The following SLCO3A1 variants were observed in gnomAD, a reference collection of about 807,000 sequenced individuals.
The protein encoded by SLCO3A1 is solute carrier organic anion transporter family member 3A1.
A neutral mutation model predicts 63.1 loss-of-function variants in SLCO3A1; 27 were observed. The ratio of observed to expected loss-of-function variants is 0.43; its 90% CI spans 0.32 to 0.59. SLCO3A1 has a LOEUF of 0.59. Among genes scored for constraint, SLCO3A1 ranks in the 20% least tolerant of loss-of-function variants. The pLI is 0.09. For synonymous variants in SLCO3A1, 473 were observed against 409.9 expected (o/e 1.15, Z -1.86); for missense variants, 773 against 945.8 (o/e 0.82, Z 2.40).
At chr15:91,996,470 C>T (rs924061717) in intron 2 of SLCO3A1, among the ~76,000 whole-genome samples, 7 of 151,922 alleles carry the variant, frequency 4.6e-5, no homozygotes, top group Admixed American at 4.6e-4. Flanking sequence ...TAGGGATTTT[C>T]ATGGGGGTTG....
In SLCO3A1 at chr15:91,942,677, G is replaced by A. The variant is rs1160589008; in HGVS notation, c.646+26219G>A. Among the ~76,000 whole-genome samples the A allele has an allele frequency of 6.6e-6, 1 of 152,158 alleles. No homozygotes were observed. The highest frequency in any genetic ancestry group is 1.9e-4 in the East Asian group (1 of 5,190). On this transcript the variant is annotated intron_variant, in intron 2 of 9. Transcript: ENST00000318445. This position sits in a 1 kb window ranked among gnomAD's most constrained non-coding sequence, Gnocchi z 4.1. ...CAGCTCACTGCAACCTCCACCTCCT[G>A]GGTGAAGGTAATTCCCAAGAAGCTG...
intron 2 of SLCO3A1, among the ~76,000 whole-genome samples, chr15:91,926,448 A>G (rs1899013006): frequency 6.6e-6 from 1 of 152,030 alleles, no homozygotes; most frequent in Non-Finnish European, 1.5e-5. Flanking sequence ...TGCAATTGCC[A>G]AAGGTACCTT....
At chr15:92,055,397 G>T (rs1046016247) in intron 2 of SLCO3A1, among the ~76,000 whole-genome samples, 1 of 152,138 alleles carries the variant, frequency 6.6e-6, no homozygotes, top group Non-Finnish European at 1.5e-5. Context: ...TCAGTGTGTT[G>T]TCTGTTAATT....
chr15:91,974,688 C>T (rs1042136101), intron 2 of SLCO3A1, among the ~76,000 whole-genome samples: 62 of 152,074 alleles, frequency 4.1e-4, no homozygotes, highest in Non-Finnish European at 1.5e-4. Flanking sequence ...CTGCAAGTGT[C>T]CACTGTGGCT....
At chr15:91,982,913 T>C (rs2046005625) in intron 2 of SLCO3A1, among the ~76,000 whole-genome samples, 1 of 152,234 alleles carries the variant, frequency 6.6e-6, no homozygotes, top group Non-Finnish European at 1.5e-5. Flanking sequence ...TCTCCAGGGA[T>C]GCCTTCCCTG....
At chr15:92,169,228 T>C (rs540956507), downstream of SLCO3A1, among the ~76,000 whole-genome samples, 19 of 152,324 alleles carry the variant, frequency 1.2e-4, no homozygotes, top group South Asian at 3.9e-3. Context: ...AGGTCCAGAA[T>C]TGGCTCAAAT....
At chr15:92,084,567 C>G (rs2047383370) in intron 2 of SLCO3A1, among the ~76,000 whole-genome samples, 1 of 152,176 alleles carries the variant, frequency 6.6e-6, no homozygotes, top group Non-Finnish European at 1.5e-5. Context: ...CCTTGAGGGT[C>G]AGAAACACGA....
intron 2 of SLCO3A1, among the ~76,000 whole-genome samples, chr15:92,016,242 TAGATAGATAGATTAGA>T (rs1410150093): frequency 1.4e-3 from 78 of 53,848 alleles, no homozygotes; most frequent in Admixed American, 6.9e-3. Context: ...GATAGATAGA[TAGATAGATAGATTAGA>T]TAGATAGATA....
At chr15:91,971,246 T>C (rs1176551731) in intron 2 of SLCO3A1, among the ~76,000 whole-genome samples, 1 of 151,500 alleles carries the variant, frequency 6.6e-6, no homozygotes, top group African/African-American at 2.4e-5. Context: ...ATACAAAAAA[T>C]TAGCCGAGCA....
rs555644445 is a variant in SLCO3A1, at chr15:91,954,547, G to T, written c.646+38089G>T. 1.3e-5 allele frequency among the ~76,000 whole-genome samples: 2 copies of T among 152,166 alleles called. No homozygotes were observed. The highest frequency in any genetic ancestry group is 2.9e-5 in the Non-Finnish European group (2 of 68,030). On this transcript the variant is annotated intron_variant, in intron 2 of 9. Coordinates refer to ENST00000318445, the MANE Select transcript of SLCO3A1 (RefSeq NM_013272.4). The surrounding 1 kb of genome is among the most constrained non-coding windows in gnomAD (Gnocchi z 4.7). ...AACAGCCTACCTGGTCAGGTGCCCC[G>T]CAGGCTTTCCTGAGAAGTGAATCCA...
chr15:91,958,947 A>T (rs1239562543), intron 2 of SLCO3A1, among the ~76,000 whole-genome samples: 1 of 152,224 alleles, frequency 6.6e-6, no homozygotes, highest in African/African-American at 2.4e-5. Context: ...AGAAGTCATT[A>T]TATGAAAAAG....
chr15:92,074,814 GT>G (rs1567105451), intron 2 of SLCO3A1, among the ~76,000 whole-genome samples: 1 of 152,134 alleles, frequency 6.6e-6, no homozygotes, highest in African/African-American at 2.4e-5. Flanking sequence ...TGGCTTTCTG[GT>G]AGGCAGCCCC....
chr15:91,953,348 G>A (rs1260845475), intron 2 of SLCO3A1, among the ~76,000 whole-genome samples: 1 of 152,178 alleles, frequency 6.6e-6, no homozygotes, highest in South Asian at 2.1e-4. Context: ...CTCTGCCCTC[G>A]AGGAGCTTGT....
chr15:92,113,143 G>T (rs774327939), intron 4 of SLCO3A1, among the ~76,000 whole-genome samples: 2 of 152,166 alleles, frequency 1.3e-5, no homozygotes, highest in Non-Finnish European at 2.9e-5. Flanking sequence ...TGCCTCCCAG[G>T]CTCCTTTCTT....
At position 91,900,374 on chromosome 15, in the gene SLCO3A1, G is replaced by A. The variant is rs1898121610; in HGVS notation, c.181-15619G>A. Among the ~76,000 whole-genome samples, 1 of 152,206 alleles carries A rather than the reference G, an allele frequency of 6.6e-6. No individual in the cohort carries two copies. On this transcript the variant is annotated intron_variant, in intron 1 of 9. Transcript: ENST00000318445. The surrounding 1 kb of genome is among the most constrained non-coding windows in gnomAD (Gnocchi z 4.3). ...AGATGGAGTCTTGCTCTGTCACACA[G>A]GCTGGAGTGCAGTGGTGTGATCTCA...
chr15:91,932,356 G>A (rs541822803), intron 2 of SLCO3A1, among the ~76,000 whole-genome samples: 1 of 152,238 alleles, frequency 6.6e-6, no homozygotes, highest in African/African-American at 2.4e-5. Flanking sequence ...GTAATTATCA[G>A]CATGTTGCCT....
In SLCO3A1 at chr15:91,916,548, T is replaced by A. The variant is rs80217973; in HGVS notation, c.646+90T>A. 6.6e-4 allele frequency: 653 copies of A among 988,322 alleles called. 10 individuals are homozygous for A. In the African/African-American group the frequency reaches 9.9e-3, roughly 15 times the overall value. 61.2% of individuals were successfully genotyped at this position (988,322 alleles called of 1,614,324 possible). A position where few individuals can be genotyped will look rare whatever the true frequency, so the allele number is the denominator to read the frequency against. On this transcript the variant is annotated intron_variant, in intron 2 of 9. Transcript: ENST00000318445. This position sits in a 1 kb window ranked among gnomAD's most constrained non-coding sequence, Gnocchi z 6.2. ...CTGGTGGACTTTGATTTTGCCAGAG[T>A]ACTGGTTCTCAGACTTGGCTGCACA...
intron 2 of SLCO3A1, among the ~76,000 whole-genome samples, chr15:92,037,099 G>T (rs928099504): frequency 2.6e-5 from 4 of 152,174 alleles, no homozygotes; most frequent in African/African-American, 9.7e-5. Context: ...GCATCATGCC[G>T]TGGGATGGTC....
At position 91,906,173 on chromosome 15, in the gene SLCO3A1, C is replaced by T. The variant is rs117349557; in HGVS notation, c.181-9820C>T. On this transcript the variant is annotated intron_variant, in intron 1 of 9. Coordinates refer to ENST00000318445, the MANE Select transcript of SLCO3A1 (RefSeq NM_013272.4). ...GTAAAGCGCTCCATACTGGACTTGG[C>T]ATAAGTAATAACAAATGTTCAACAT... Among the ~76,000 whole-genome samples, 310 of 152,304 alleles carry T rather than the reference C, an allele frequency of 2.0e-3. 4 individuals are homozygous for T. The East Asian group carries it at 0.056, about 27-fold the overall frequency.
Sources: allele counts gnomAD v4.1 joint callset (sites outside exome capture counted in the v4.1 genomes callset), GRCh38; gene constraint gnomAD v4.1.1; non-coding constraint Gnocchi (gnomAD v3.1); transcripts MANE v1.5; gene names NCBI Gene and HGNC (gene_info 2026-07-23, HGNC 2026-07-21).